Variants in NCOR1 observed in about 807,000 individuals in gnomAD.
NCOR1 encodes protein phosphatase 1, regulatory subunit 109.
NCOR1 carries 63 observed loss-of-function variants against 288.1 expected under a neutral mutation model. The ratio of observed to expected loss-of-function variants is 0.22; its 90% CI spans 0.18 to 0.27. NCOR1 has a LOEUF of 0.27. Ranked by LOEUF, NCOR1 falls within the 10% of genes least tolerant of loss-of-function variation. The pLI, the probability that NCOR1 is intolerant of heterozygous loss-of-function variation, is 1.00. For missense variants in NCOR1, 2,397 were observed against 3,019.2 expected (o/e 0.79, Z 4.83); for synonymous variants, 1,007 against 1,065.9 (o/e 0.94, Z 1.08).
chr17:16,057,882 C>T, intron 39 of NCOR1, 25 bp downstream of exon 39: 1 of 1,558,316 alleles, frequency 6.4e-7, no homozygotes, highest in South Asian at 1.3e-5. Flanking sequence ...GAAAAATTAA[C>T]TAATAAGAAT....
intron 10 of NCOR1, among the ~76,000 whole-genome samples, 190 bp from the exon 11 acceptor site, chr17:16,143,886 C>T (rs576023171): frequency 6.6e-6 from 1 of 152,038 alleles, no homozygotes; most frequent in African/African-American, 2.4e-5. Context: ...TTAAATGTTA[C>T]GATTGAGATT....
In NCOR1 at chr17:16,072,163, A is replaced by G; in HGVS notation, c.3877T>C (p.Ser1293Pro). The G allele has an allele frequency of 1.9e-6, 3 of 1,612,004 alleles. No individual in the cohort carries two copies. The highest frequency in any genetic ancestry group is 2.5e-6 in the Non-Finnish European group (3 of 1,178,850). The change falls in exon 29 of 46, where the codon TCT becomes CCT. Residue 1293 changes from serine (S) to proline (P), a missense_variant. Transcript: ENST00000268712. ...AGTTTACCCTGCATTATGGAGCCAG[A>G]CAATACAGTCCTTTCTTTGAGGTCA... ...HSDLKERTVL[S>P]GSIMQGTPRA... is the part of the protein sequence containing the mutation.
In NCOR1 at chr17:16,101,599, C is replaced by T. The variant is rs756869298; in HGVS notation, c.2341G>A (p.Glu781Lys). Residue 781 changes from glutamate (E) to lysine (K), a missense_variant, in exon 20 of 46, where the codon GAG becomes AAG. Glu to Lys is a moderately conservative substitution (Grantham distance 56). Around this residue, in one of 11 missense-constraint regions of NCOR1, gnomAD observed 1,872 missense variants for 2,187.8 expected, o/e 0.86. Coordinates refer to ENST00000268712, the MANE Select transcript of NCOR1 (RefSeq NM_006311.4). ...CTGATGCTGTCATTCACCTGGGTCT[C>T]CACACTTTCATCTTCAGCTGGTTTT... Reference protein sequence around the residue: ...STKPAEDESVETQVNDSISAE... With the variant: ...STKPAEDESVKTQVNDSISAE... 3.7e-6 allele frequency: 6 copies of T among 1,614,186 alleles called. No individual in the cohort carries two copies. The South Asian group carries it at 6.6e-5, about 18-fold the overall frequency.
intron 3 of NCOR1, among the ~76,000 whole-genome samples, chr17:16,173,198 G>A (rs1223264919): frequency 6.6e-6 from 1 of 152,034 alleles, no homozygotes; most frequent in Admixed American, 6.6e-5. Flanking sequence ...TGAGATTACA[G>A]GTGTGAGCCA....
chr17:16,108,955 G>T, intron 18 of NCOR1, 43 bp from the exon 19 acceptor site: 1 of 1,455,094 alleles, frequency 6.9e-7, no homozygotes, highest in African/African-American at 1.4e-5. Flanking sequence ...TAACTAAAAA[G>T]AAAAAAAAAT....
intron 26 of NCOR1, among the ~76,000 whole-genome samples, chr17:16,077,345 T>G (rs1467513838): frequency 6.7e-6 from 1 of 149,998 alleles, no homozygotes; most frequent in Non-Finnish European, 1.5e-5. Context: ...TGCAGTGAGC[T>G]GAGATGGCAC....
chr17:16,057,509 C>T lies in NCOR1; in HGVS notation c.6392+5G>A, dbSNP rs377180793. On this transcript the variant is annotated splice_donor_5th_base_variant and intron_variant, in intron 40 of 45. Transcript: ENST00000268712. ...TTTATATATAATTTGGAATAAAGAT[C>T]ATACCTTCCCCTGGATTTGTCCACA... The T allele has an allele frequency of 6.2e-7, 1 of 1,611,506 alleles. No homozygotes were observed. Among genetic ancestry groups the T allele is most frequent in the South Asian group, 1.1e-5 (1 of 91,018 alleles).
At chr17:16,168,702 G>A (rs886220777) in intron 4 of NCOR1, among the ~76,000 whole-genome samples, 3 of 152,148 alleles carry the variant, frequency 2.0e-5, no homozygotes, top group Non-Finnish European at 2.9e-5. Flanking sequence ...CAGCTGCAGT[G>A]GCTCACGCCT....
chr17:16,092,726 T>A (rs2065632258), intron 21 of NCOR1, among the ~76,000 whole-genome samples: 2 of 116,152 alleles, frequency 1.7e-5, no homozygotes, highest in East Asian at 2.7e-4. Flanking sequence ...TAAGACATAG[T>A]CTCACTCTGT....
At chr17:16,197,145 C>T (rs2153568269) in intron 1 of NCOR1, among the ~76,000 whole-genome samples, 1 of 152,114 alleles carries the variant, frequency 6.6e-6, no homozygotes, top group South Asian at 2.1e-4. Context: ...CATGGTGAAA[C>T]CTGGTCTCTA....
intron 42 of NCOR1, 64 bp downstream of exon 42, chr17:16,046,887 A>G: frequency 1.3e-6 from 2 of 1,572,248 alleles, no homozygotes; most frequent in Non-Finnish European, 8.7e-7. Context: ...CAGGAGAGGC[A>G]ACACTGGAGA....
chr17:16,131,923 T>C (rs574503617), intron 14 of NCOR1, among the ~76,000 whole-genome samples: 12 of 152,302 alleles, frequency 7.9e-5, no homozygotes, highest in Non-Finnish European at 1.5e-4. Context: ...CCCACTCTCA[T>C]GAATGTGGAA....
chr17:16,117,514 G>GAA (rs34706253), intron 18 of NCOR1, among the ~76,000 whole-genome samples: 1,277 of 103,710 alleles, frequency 0.012, 21 homozygotes, highest in East Asian at 0.068. Flanking sequence ...CTGGAGCTCA[G>GAA]AAAAAAAAAA....
chr17:16,213,874 C>T (rs1205903654), intron 1 of NCOR1, among the ~76,000 whole-genome samples: 1 of 152,018 alleles, frequency 6.6e-6, no homozygotes, highest in East Asian at 1.9e-4. Context: ...ATATGGCAAG[C>T]CTTTTGTAAA....
chr17:16,077,053 T>C (rs1209033989), intron 26 of NCOR1, among the ~76,000 whole-genome samples: 2 of 152,100 alleles, frequency 1.3e-5, no homozygotes, highest in Non-Finnish European at 2.9e-5. Context: ...TACCACTTAT[T>C]CAAGCATCTC....
At chr17:16,033,072 G>A (rs918720923) in intron 45 of NCOR1, among the ~76,000 whole-genome samples, 21 of 152,154 alleles carry the variant, frequency 1.4e-4, no homozygotes, top group African/African-American at 3.9e-4. Flanking sequence ...CAGGCTGGGC[G>A]CAGTGGCTCA....
chr17:16,180,014 AC>A (rs1329905893), intron 3 of NCOR1, among the ~76,000 whole-genome samples: 3 of 152,042 alleles, frequency 2.0e-5, no homozygotes, highest in African/African-American at 7.2e-5. Context: ...ACTGAATTCA[AC>A]AACACATCAC....
intron 42 of NCOR1, among the ~76,000 whole-genome samples, chr17:16,043,841 G>A (rs2058172898): frequency 1.3e-5 from 2 of 152,184 alleles, no homozygotes; most frequent in Non-Finnish European, 2.9e-5. Context: ...TTAAACTGTT[G>A]AAGACTGGAG....
rs1017957325 is a variant in NCOR1, at chr17:16,136,579, G to A, written c.1509+732C>T. Among the ~76,000 whole-genome samples the A allele has an allele frequency of 2.6e-5, 4 of 152,252 alleles. No individual in the cohort carries two copies. The East Asian group carries it at 7.7e-4, about 29-fold the overall frequency. ...CCCAGCACCTTGGGAGGCCAAGGCA[G>A]GTGGATCATGGAAGTCAGGAGATTG... On this transcript the variant is annotated intron_variant, in intron 14 of 45. Coordinates refer to ENST00000268712, the MANE Select transcript of NCOR1 (RefSeq NM_006311.4).
Sources: allele counts gnomAD v4.1 joint callset (sites outside exome capture counted in the v4.1 genomes callset), GRCh38; gene constraint gnomAD v4.1.1; regional missense constraint gnomAD v4.1.1; transcripts MANE v1.5; gene names NCBI Gene and HGNC (gene_info 2026-07-23, HGNC 2026-07-21).